The following SIRT1 variants were observed in gnomAD, a reference collection of about 807,000 sequenced individuals.
SIRT1 encodes sirtuin 1.
A neutral mutation model predicts 67.9 loss-of-function variants in SIRT1; 24 were observed. That is an observed-to-expected ratio of 0.35 (90% CI 0.26 to 0.50). SIRT1 has a LOEUF of 0.50. Among genes scored for constraint, SIRT1 ranks in the 20% least tolerant of loss-of-function variants. The pLI is 0.98. For missense variants in SIRT1, 873 were observed against 937.2 expected (o/e 0.93, Z 0.89); for synonymous variants, 378 against 350.7 (o/e 1.08, Z -0.87).
chr10:67,916,451 G>T lies in SIRT1; in HGVS notation c.2102G>T (p.Gly701Val). 1 of 1,614,184 alleles carries T rather than the reference G, an allele frequency of 6.2e-7. No individual in the cohort carries two copies. The highest frequency in any genetic ancestry group is 8.5e-7 in the Non-Finnish European group (1 of 1,180,034). Residue 701 changes from glycine (G) to valine (V), a missense_variant, in exon 9 of 9, where the codon GGC (glycine) becomes GTC (valine). Gly to Val is a moderately radical substitution (Grantham distance 109). Coordinates refer to ENST00000212015, the MANE Select transcript of SIRT1 (RefSeq NM_012238.5). Reference sequence around the variant, plus strand: ...AGTGAAATTGAAGAATTCTACAATGGCTTAGAAGATGAGCCTGATGTTCCA... The same window carrying T: ...AGTGAAATTGAAGAATTCTACAATGTCTTAGAAGATGAGCCTGATGTTCCA... Reference protein sequence around the residue: ...DESEIEEFYNGLEDEPDVPER... With the variant: ...DESEIEEFYNVLEDEPDVPER...
rs1255852295 is a variant in SIRT1 at position 67,908,120 on chromosome 10, A to G, written c.1165A>G (p.Asn389Asp). 1 of 1,612,638 alleles carries G rather than the reference A, an allele frequency of 6.2e-7. No homozygotes were observed. The highest frequency in any genetic ancestry group is 1.7e-5 in the Admixed American group (1 of 59,882). The change falls in exon 6 of 9, where the codon AAT (asparagine) becomes GAT (aspartate). Residue 389 changes from asparagine to aspartate, a missense_variant. Coordinates refer to ENST00000212015, the MANE Select transcript of SIRT1 (RefSeq NM_012238.5). ...DCEAVRGDIF[N>D]QVVPRCPRCP... ...TGAAGCTGTACGAGGAGATATTTTTAATCAGGTAATTTGTTGCCCATATTT... is the reference window on the plus strand; with the variant it reads ...TGAAGCTGTACGAGGAGATATTTTTGATCAGGTAATTTGTTGCCCATATTT...
intron 2 of SIRT1, 93 bp from the exon 3 acceptor site, chr10:67,888,789 C>A: frequency 1.0e-5 from 14 of 1,394,324 alleles, no homozygotes; most frequent in Admixed American, 7.1e-5. Flanking sequence ...TTGCAAAAAA[C>A]CCTCACAGAA....
chr10:67,899,770 T>C (rs1186773150), intron 4 of SIRT1, among the ~76,000 whole-genome samples: 1 of 152,092 alleles, frequency 6.6e-6, no homozygotes, highest in South Asian at 2.1e-4. Context: ...GGGTTGTTTT[T>C]AAGGCAGTTT....
chr10:67,897,864 A>G (rs1398900547), intron 4 of SIRT1, among the ~76,000 whole-genome samples: 1 of 152,038 alleles, frequency 6.6e-6, no homozygotes, highest in Non-Finnish European at 1.5e-5. Flanking sequence ...GTTCTCAGAA[A>G]CCTAAAATAA....
chr10:67,915,422 T>C (rs2029883063), intron 8 of SIRT1, among the ~76,000 whole-genome samples: 1 of 152,234 alleles, frequency 6.6e-6, no homozygotes. Context: ...AGGATTGATT[T>C]GGTGTGCTGT....
chr10:67,898,042 G>A lies in SIRT1; in HGVS notation c.942+6488G>A, dbSNP rs1039394809. Reference sequence around the variant, plus strand: ...TCCCAGCACTTTGGGAGGCCACAGCGGGCGGTCAAAAGTTTGAGACCAGCC... The same window carrying A: ...TCCCAGCACTTTGGGAGGCCACAGCAGGCGGTCAAAAGTTTGAGACCAGCC... On this transcript the variant is annotated intron_variant, in intron 4 of 8. Coordinates refer to ENST00000212015, the MANE Select transcript of SIRT1 (RefSeq NM_012238.5). 6.8e-5 allele frequency among the ~76,000 whole-genome samples: 10 copies of A among 147,948 alleles called. 1 individual carries two copies. Among genetic ancestry groups the A allele is most frequent in the Admixed American group, 2.0e-4 (3 of 14,870 alleles).
At chr10:67,885,482 TTTTTTC>T (rs1446890214) in intron 1 of SIRT1, 4 of 985,980 alleles carry the variant, frequency 4.1e-6, no homozygotes, top group Admixed American at 4.7e-5. Flanking sequence ...TTAGAGCTTT[TTTTTTC>T]TTTTTCTTTA....
At chr10:67,895,704 G>T (rs1842643715) in intron 4 of SIRT1, among the ~76,000 whole-genome samples, 1 of 130,206 alleles carries the variant, frequency 7.7e-6, no homozygotes, top group African/African-American at 2.8e-5. Context: ...TTATATCATT[G>T]ATTGTATGTG....
intron 4 of SIRT1, among the ~76,000 whole-genome samples, chr10:67,895,327 C>T (rs755350570): frequency 3.9e-5 from 6 of 151,968 alleles, no homozygotes; most frequent in Non-Finnish European, 7.4e-5. Context: ...GAGGCTGAGA[C>T]GGGGAGAATT....
At chr10:67,914,576 C>T (rs1449706586) in intron 8 of SIRT1, among the ~76,000 whole-genome samples, 2 of 152,144 alleles carry the variant, frequency 1.3e-5, no homozygotes, top group African/African-American at 4.8e-5. Flanking sequence ...TTGTCTCTAG[C>T]GTATACAAAG....
chr10:67,890,251 T>C (rs556821348), intron 3 of SIRT1, among the ~76,000 whole-genome samples: 1 of 152,302 alleles, frequency 6.6e-6, no homozygotes, highest in African/African-American at 2.4e-5. Flanking sequence ...AGATGGGGTT[T>C]CACCATATTG....
intron 1 of SIRT1, chr10:67,885,442 C>G (rs559773796): frequency 1.9e-5 from 22 of 1,187,526 alleles, no homozygotes; most frequent in Admixed American, 4.3e-5. Flanking sequence ...GTTTCTCTCC[C>G]CCTCTTACTC....
intron 5 of SIRT1, 75 bp downstream of exon 5, chr10:67,907,012 C>A: frequency 1.6e-6 from 2 of 1,273,808 alleles, no homozygotes; most frequent in Non-Finnish European, 1.1e-6. Flanking sequence ...AAGCTGACTG[C>A]CATCGAGAAG....
At chr10:67,885,492 T>C in intron 1 of SIRT1, 1 of 924,936 alleles carries the variant, frequency 1.1e-6, no homozygotes, top group Non-Finnish European at 1.4e-6. Context: ...TTTTTTCTTT[T>C]TCTTTATTTT....
chr10:67,902,512 A>G (rs557672659), intron 4 of SIRT1, among the ~76,000 whole-genome samples: 2 of 152,372 alleles, frequency 1.3e-5, no homozygotes, highest in South Asian at 2.1e-4. Context: ...ATATATTGAA[A>G]TACAGTTGAA....
chr10:67,891,038 A>C lies in SIRT1; in HGVS notation c.790-364A>C, dbSNP rs552218965. Among the ~76,000 whole-genome samples, 24 of 151,796 alleles carry C rather than the reference A, an allele frequency of 1.6e-4. No homozygotes were observed. In the South Asian group the frequency reaches 5.0e-3, roughly 32 times the overall value. ...GTGTGAGACTCTGTCTCAAAAAAAA[A>C]AAAAACAAAAAAAAAAAGAAAAAAT... On this transcript the variant is annotated intron_variant, in intron 3 of 8. Transcript: ENST00000212015.
chr10:67,889,773 A>G lies in SIRT1; in HGVS notation c.789+650A>G, dbSNP rs377235913. Among the ~76,000 whole-genome samples the G allele has an allele frequency of 1.6e-4, 24 of 152,294 alleles. No homozygotes were observed. The South Asian group carries it at 5.0e-3, about 32-fold the overall frequency. ...GGGTGTTACATAATCTTAGATGATC[A>G]TCAGGAGTATGTTTTGCTCACAGAT... On this transcript the variant is annotated intron_variant, in intron 3 of 8. Coordinates refer to ENST00000212015, the MANE Select transcript of SIRT1 (RefSeq NM_012238.5).
intron 4 of SIRT1, among the ~76,000 whole-genome samples, chr10:67,905,338 A>G (rs1340276655): frequency 6.6e-6 from 1 of 152,174 alleles, no homozygotes; most frequent in East Asian, 1.9e-4. Context: ...GTAAACATTG[A>G]CTTTATTAAG....
At chr10:67,902,762 TAAATTTTGATGAATTCTCTAA>T (rs1418613304) in intron 4 of SIRT1, among the ~76,000 whole-genome samples, 5 of 152,198 alleles carry the variant, frequency 3.3e-5, no homozygotes, top group Non-Finnish European at 5.9e-5. Context: ...TTAACATCAG[TAAATTTTGATGAATTCTCTAA>T]AAATTCTGAT....
Sources: allele counts gnomAD v4.1 joint callset (sites outside exome capture counted in the v4.1 genomes callset), GRCh38; gene constraint gnomAD v4.1.1; transcripts MANE v1.5; gene names NCBI Gene and HGNC (gene_info 2026-07-23, HGNC 2026-07-21).